SLMAP: variants seen among roughly 807,000 people sequenced by gnomAD.
SLMAP encodes the protein sarcolemmal membrane-associated protein.
SLMAP carries 44 observed loss-of-function variants against 128.8 expected under a neutral mutation model. The ratio of observed to expected loss-of-function variants is 0.34; its 90% CI spans 0.27 to 0.44. The LOEUF is 0.44. Among genes scored for constraint, SLMAP ranks in the 20% least tolerant of loss-of-function variants. The pLI, the probability that SLMAP is intolerant of heterozygous loss-of-function variation, is 1.00. For synonymous variants in SLMAP, 327 were observed against 348.8 expected, an observed-to-expected ratio of 0.94 and a Z score of 0.70; for missense variants, 787 against 985.3, an observed-to-expected ratio of 0.80 and a Z score of 2.69.
intron 10 of SLMAP, 93 bp downstream of exon 10, chr3:57,862,179 G>C (rs2095100619): frequency 1.4e-5 from 14 of 1,023,590 alleles, no homozygotes; most frequent in East Asian, 7.7e-5. Context: ...AGCTGGGCGT[G>C]GGGTGGCGGG....
At chr3:57,906,105 CAG>C (rs971559829) in intron 17 of SLMAP, among the ~76,000 whole-genome samples, 6 of 122,796 alleles carry the variant, frequency 4.9e-5, no homozygotes, top group South Asian at 5.4e-4. Context: ...AATCCAGAAA[CAG>C]GGGCCAGGAC....
Position 57,858,083 on chromosome 3 carries a change from A to G in SLMAP, c.616-5A>G. On this transcript the variant is annotated splice_polypyrimidine_tract_variant and splice_region_variant and intron_variant, in intron 7 of 24. Coordinates refer to ENST00000671191, the MANE Select transcript of SLMAP (RefSeq NM_001377540.1). ...TTTTACTTACATTTAATTTTTCTTC[A>G]ATAGGCTTTAATAGATGAAGATAGA... 3.2e-6 allele frequency: 5 copies of G among 1,539,046 alleles called. No individual in the cohort carries two copies. The highest frequency in any genetic ancestry group is 2.7e-6 in the Non-Finnish European group (3 of 1,114,030).
chr3:57,881,579 T>C (rs903179942), intron 14 of SLMAP, among the ~76,000 whole-genome samples: 11 of 152,144 alleles, frequency 7.2e-5, no homozygotes, highest in Non-Finnish European at 1.0e-4. Context: ...TGCCTCAGCC[T>C]CCCGAGTAGC....
intron 2 of SLMAP, among the ~76,000 whole-genome samples, chr3:57,813,945 A>G (rs1264263297): frequency 1.3e-5 from 2 of 148,582 alleles, no homozygotes; most frequent in East Asian, 2.0e-4. Context: ...GCCTGTTTGT[A>G]CCTTCCCATA....
In SLMAP at chr3:57,927,795, C is replaced by T. The variant is rs1247828966; in HGVS notation, c.*506C>T. On this transcript the variant is annotated 3_prime_UTR_variant, in exon 25 of 25. Coordinates refer to ENST00000671191, the MANE Select transcript of SLMAP (RefSeq NM_001377540.1). ...ACCCAAACCAAACAACCAATACATA[C>T]ATGGGAAGAGAGGCCCTGTGTGCTC... The T allele has an allele frequency of 6.5e-6, 1 of 153,140 alleles. No individual in the cohort carries two copies. The highest frequency in any genetic ancestry group is 1.9e-4 in the East Asian group (1 of 5,220). 9.5% of individuals were successfully genotyped at this position (153,140 alleles called of 1,614,324 possible).
intron 2 of SLMAP, among the ~76,000 whole-genome samples, chr3:57,785,049 A>C (rs567128895): frequency 6.6e-6 from 1 of 152,310 alleles, no homozygotes; most frequent in African/African-American, 2.4e-5. Context: ...ATAGTTATAA[A>C]GTATTCAGTC....
chr3:57,912,028 A>G (rs2096713442), intron 19 of SLMAP, among the ~76,000 whole-genome samples: 1 of 151,888 alleles, frequency 6.6e-6, no homozygotes, highest in South Asian at 2.1e-4. Context: ...TATATATACT[A>G]TAACTATTTT....
At chr3:57,846,156 T>C (rs1243053333) in intron 4 of SLMAP, among the ~76,000 whole-genome samples, 1 of 152,212 alleles carries the variant, frequency 6.6e-6, no homozygotes, top group African/African-American at 2.4e-5. Context: ...TCTCATTTTA[T>C]GCATGAGGAA....
chr3:57,926,807 T>A (rs575793181), intron 24 of SLMAP, among the ~76,000 whole-genome samples: 1 of 152,346 alleles, frequency 6.6e-6, no homozygotes, highest in South Asian at 2.1e-4. Context: ...TTTTGTCTTC[T>A]GTGGTTTCAA....
chr3:57,913,245 A>G lies in SLMAP; in HGVS notation c.2108A>G (p.Glu703Gly), dbSNP rs747329143. ...AGGGAAAATGTTTTGCTATCATCAG[A>G]ACTGCAACGGCAAGAAAAAGAATTG... ...LKRENVLLSS[E>G]LQRQEKELHN... is the part of the protein sequence containing the mutation. The change falls in exon 21 of 25, where the codon GAA becomes GGA. Residue 703 changes from glutamate (E) to glycine (G), a missense_variant. Physicochemically the swap from Glu to Gly is moderately conservative, Grantham distance 98 (BLOSUM62 -2). Transcript: ENST00000671191. The G allele has an allele frequency of 5.1e-6, 8 of 1,578,534 alleles. No individual in the cohort carries two copies. Among genetic ancestry groups the G allele is most frequent in the Non-Finnish European group, 6.9e-6 (8 of 1,153,302 alleles).
intron 2 of SLMAP, among the ~76,000 whole-genome samples, chr3:57,793,948 C>G (rs1374327003): frequency 6.6e-6 from 1 of 151,320 alleles, no homozygotes; most frequent in East Asian, 1.9e-4. Context: ...ATTCCTGTAG[C>G]CCCAGCTACT....
intron 24 of SLMAP, among the ~76,000 whole-genome samples, chr3:57,926,828 C>G (rs533113076): frequency 6.6e-6 from 1 of 152,182 alleles, no homozygotes; most frequent in South Asian, 2.1e-4. Flanking sequence ...GTTGGACGAC[C>G]AAAGCCTAGA....
chr3:57,853,471 G>A (rs2094579384), intron 6 of SLMAP, among the ~76,000 whole-genome samples: 1 of 152,152 alleles, frequency 6.6e-6, no homozygotes, highest in Non-Finnish European at 1.5e-5. Flanking sequence ...AGGGTCATAA[G>A]TGTTCCTCTG....
intron 2 of SLMAP, among the ~76,000 whole-genome samples, chr3:57,775,423 A>G (rs1396165595): frequency 4.6e-5 from 7 of 151,176 alleles, no homozygotes; most frequent in African/African-American, 1.7e-4. Context: ...CTGTAATTCC[A>G]ACACTTTGGA....
intron 17 of SLMAP, 49 bp downstream of exon 17, chr3:57,896,981 C>A: frequency 6.2e-7 from 1 of 1,609,018 alleles, no homozygotes; most frequent in Non-Finnish European, 8.5e-7. Flanking sequence ...ATCAAATCAC[C>A]CTTTGCCATA....
chr3:57,801,576 A>G (rs1386939360), intron 2 of SLMAP: 1 of 151,878 alleles, frequency 6.6e-6, no homozygotes, highest in Non-Finnish European at 1.5e-5. Context: ...AAGGGAACAT[A>G]ATATTCATGG....
chr3:57,785,512 A>G (rs1200322441), intron 2 of SLMAP, among the ~76,000 whole-genome samples: 1 of 152,226 alleles, frequency 6.6e-6, no homozygotes, highest in Admixed American at 6.5e-5. Context: ...ATCATGATTT[A>G]AAGTTCCCTG....
chr3:57,908,050 A>G (rs370285784), intron 18 of SLMAP, 44 bp downstream of exon 18: 72 of 1,593,140 alleles, frequency 4.5e-5, no homozygotes, highest in Non-Finnish European at 5.9e-5. Flanking sequence ...GTGTGGAGGC[A>G]GCACAATATA....
chr3:57,897,182 CTG>C (rs1315236297), intron 17 of SLMAP: 2 of 1,113,210 alleles, frequency 1.8e-6, no homozygotes, highest in African/African-American at 3.2e-5. Flanking sequence ...TGAAATGCAG[CTG>C]TGTTTTTTGT....
Sources: allele counts gnomAD v4.1 joint callset (sites outside exome capture counted in the v4.1 genomes callset), GRCh38; gene constraint gnomAD v4.1.1; transcripts MANE v1.5; gene names NCBI Gene and HGNC (gene_info 2026-07-23, HGNC 2026-07-21).